The following SYNPR variants were observed in gnomAD, a reference collection of about 807,000 sequenced individuals.
SYNPR encodes synaptoporin.
SYNPR carries 23 observed loss-of-function variants against 32.9 expected under a neutral mutation model. The observed-to-expected ratio is 0.70, with a 90% CI of 0.50 to 0.99. SYNPR has a LOEUF of 0.99. Ranked by LOEUF, SYNPR falls within the 50% of genes least tolerant of loss-of-function variation. The pLI, the probability that SYNPR is intolerant of heterozygous loss-of-function variation, is 0.00. For missense variants in SYNPR, 318 were observed against 349.3 expected, an observed-to-expected ratio of 0.91 and a Z score of 0.71; for synonymous variants, 146 against 135.9, an observed-to-expected ratio of 1.07 and a Z score of -0.52.
chr3:63,251,800 C>T (rs558081644), intron 1 of SYNPR, among the ~76,000 whole-genome samples: 1 of 152,122 alleles, frequency 6.6e-6, no homozygotes, highest in East Asian at 2.0e-4. Context: ...ATGCCATACT[C>T]ATGCCCTATA....
chr3:63,355,883 C>T lies in SYNPR; in HGVS notation c.84+77141C>T, dbSNP rs114926011. 6.4e-3 allele frequency among the ~76,000 whole-genome samples: 973 copies of T among 152,318 alleles called. 16 individuals carry two copies. Among genetic ancestry groups the T allele is most frequent in the African/African-American group, 0.022 (905 of 41,576 alleles). On this transcript the variant is annotated intron_variant, in intron 2 of 5. Transcript: ENST00000478300. ...CACGTTCTCTTAACAGCACTTGTTA[C>T]AGCTGTAACCCTGTGTTGGTATTGT...
intron 1 of SYNPR, 22 bp from the exon 2 acceptor site, chr3:63,278,655 C>A (rs746434163): frequency 6.4e-7 from 1 of 1,551,642 alleles, no homozygotes; most frequent in Non-Finnish European, 8.7e-7. Flanking sequence ...TGCTTTCTCT[C>A]TCTCGCCTCA....
At chr3:63,607,591 A>T (rs757250381) in intron 4 of SYNPR, among the ~76,000 whole-genome samples, 7 of 152,256 alleles carry the variant, frequency 4.6e-5, no homozygotes, top group Non-Finnish European at 1.0e-4. Context: ...CAAAACAAAG[A>T]ATCAGGTTAA....
intron 2 of SYNPR, among the ~76,000 whole-genome samples, chr3:63,441,944 A>G (rs1700185733): frequency 6.6e-6 from 1 of 152,140 alleles, no homozygotes; most frequent in Non-Finnish European, 1.5e-5. Flanking sequence ...AAGTGTAGCC[A>G]TTTTACAAAG....
At chr3:63,428,477 A>G (rs1479330289) in intron 2 of SYNPR, among the ~76,000 whole-genome samples, 2 of 152,278 alleles carry the variant, frequency 1.3e-5, no homozygotes, top group East Asian at 3.8e-4. Context: ...TGACTAGGTC[A>G]ACTCTATGTA....
chr3:63,368,193 G>A (rs1575612572), intron 2 of SYNPR, among the ~76,000 whole-genome samples: 1 of 152,236 alleles, frequency 6.6e-6, no homozygotes, highest in Non-Finnish European at 1.5e-5. Flanking sequence ...TTGCAAAGCT[G>A]AGAACTATGC....
intron 2 of SYNPR, among the ~76,000 whole-genome samples, chr3:63,386,085 G>T (rs1055178642): frequency 1.3e-5 from 2 of 152,188 alleles, no homozygotes; most frequent in African/African-American, 4.8e-5. Context: ...ACTATGGTCA[G>T]TGCTAATTAT....
At chr3:63,303,026 A>T (rs988190121) in intron 2 of SYNPR, among the ~76,000 whole-genome samples, 1 of 152,042 alleles carries the variant, frequency 6.6e-6, no homozygotes, top group Non-Finnish European at 1.5e-5. Context: ...CTCCAAAAAA[A>T]TTAAATAAAA....
chr3:63,406,471 C>A (rs2088361376), intron 2 of SYNPR, among the ~76,000 whole-genome samples: 1 of 150,108 alleles, frequency 6.7e-6, no homozygotes. Context: ...GATGTGATTC[C>A]ATTTTTTTTT....
the SYNPR span, among the ~76,000 whole-genome samples, chr3:63,201,360 T>C: frequency 1.3e-5 from 2 of 152,282 alleles, no homozygotes; most frequent in East Asian, 3.9e-4. Flanking sequence ...CATCTTTCTT[T>C]CTGCCTTTAC....
intron 3 of SYNPR, among the ~76,000 whole-genome samples, chr3:63,541,033 G>C (rs1702293070): frequency 6.6e-6 from 1 of 151,352 alleles, no homozygotes; most frequent in Admixed American, 6.6e-5. Context: ...TTGTTTTTGA[G>C]ATGAACATGT....
chr3:63,490,675 C>G (rs888111051), intron 3 of SYNPR, among the ~76,000 whole-genome samples: 1 of 152,094 alleles, frequency 6.6e-6, no homozygotes, highest in East Asian at 1.9e-4. Flanking sequence ...GTTGGACAGT[C>G]TAGGGACCAA....
At chr3:63,225,141 T>C (rs922355872), upstream of SYNPR, among the ~76,000 whole-genome samples, 1 of 152,164 alleles carries the variant, frequency 6.6e-6, no homozygotes, top group African/African-American at 2.4e-5. Context: ...TGCAGGGATG[T>C]GAGATAAAAT....
rs748509437 is a variant in SYNPR at position 63,609,172 on chromosome 3, A to T, written c.456A>T (p.Ser152=). ...TTTCGTTCTTGTGGTTGGTGGGTTC[A>T]TCAGCTTGGGCAAAAGGACTGTCTG... ...VVFSFLWLVG[S]SAWAKGLSDV... Residue 152 remains serine (S), a synonymous_variant, in exon 5 of 6, where the codon TCA becomes TCT. Coordinates refer to ENST00000478300, the MANE Select transcript of SYNPR (RefSeq NM_001130003.2). The T allele has an allele frequency of 1.2e-6, 2 of 1,611,616 alleles. No individual in the cohort carries two copies. The highest frequency in any genetic ancestry group is 1.7e-6 in the Non-Finnish European group (2 of 1,178,854).
chr3:63,282,062 C>G (rs7429105), intron 2 of SYNPR, among the ~76,000 whole-genome samples: 1 of 152,164 alleles, frequency 6.6e-6, no homozygotes, highest in East Asian at 1.9e-4. Flanking sequence ...TAGTGAATTT[C>G]TAATTCTAAT....
chr3:63,582,328 T>C (rs1008659080), intron 4 of SYNPR, among the ~76,000 whole-genome samples: 2 of 152,092 alleles, frequency 1.3e-5, no homozygotes, highest in African/African-American at 4.8e-5. Flanking sequence ...TCGCTTTTTT[T>C]AGTAGCTAAT....
At chr3:63,408,241 GAA>G (rs2088399509) in intron 2 of SYNPR, among the ~76,000 whole-genome samples, 2 of 108,748 alleles carry the variant, frequency 1.8e-5, no homozygotes, top group East Asian at 2.8e-4. Flanking sequence ...AAGAAAGAAA[GAA>G]AGAAAGAAAG....
intron 4 of SYNPR, among the ~76,000 whole-genome samples, chr3:63,597,899 A>G (rs1279517866): frequency 6.6e-6 from 1 of 152,176 alleles, no homozygotes; most frequent in African/African-American, 2.4e-5. Context: ...TTCCAAGACA[A>G]GTCCAAAGCT....
chr3:63,322,670 A>G (rs1451310), intron 2 of SYNPR, among the ~76,000 whole-genome samples: 7,317 of 152,196 alleles, frequency 0.048, 247 homozygotes, highest in Non-Finnish European at 0.065. Flanking sequence ...ACTAAAGCAC[A>G]AAGACACAAA....
Sources: gnomAD v4.1 joint callset for allele counts (sites outside exome capture counted in the v4.1 genomes callset) on GRCh38, gnomAD v4.1.1 for gene constraint, MANE v1.5 for transcripts, NCBI Gene and HGNC (gene_info 2026-07-23, HGNC 2026-07-21) for gene names.